Variants in LIN54 observed in about 807,000 individuals in gnomAD.
LIN54 encodes the protein protein lin-54 homolog.
In LIN54, 9 loss-of-function variants were observed where a neutral mutation model predicts 78.7. The observed-to-expected ratio is 0.11, with a 90% CI of 0.07 to 0.20. The LOEUF (loss-of-function observed/expected upper bound fraction) is 0.20. LIN54 is among the 10% of genes least tolerant of loss of function. The pLI is 1.00. For synonymous variants in LIN54, 269 were observed against 318.4 expected (o/e 0.84, Z 1.65); for missense variants, 573 against 889.9 (o/e 0.64, Z 4.53).
intron 5 of LIN54, among the ~76,000 whole-genome samples, chr4:82,945,432 T>G (rs1178300812): frequency 6.6e-6 from 1 of 151,932 alleles, no homozygotes; most frequent in Non-Finnish European, 1.5e-5. Context: ...ACATAGAAAA[T>G]AGAAGGACAA....
chr4:82,967,969 C>T lies in LIN54; in HGVS notation c.951+2358G>A, dbSNP rs180890543. On this transcript the variant is annotated intron_variant, in intron 4 of 12. Transcript: ENST00000340417. Reference sequence around the variant, plus strand: ...CCTGAACGATAGATAAGCTTTCAACCGGATGTAAGCTTTTGACTGTACATT... The same window carrying T: ...CCTGAACGATAGATAAGCTTTCAACTGGATGTAAGCTTTTGACTGTACATT... Among the ~76,000 whole-genome samples the T allele has an allele frequency of 2.5e-4, 38 of 152,174 alleles. No homozygotes were observed. The East Asian group carries it at 5.0e-3, about 20-fold the overall frequency.
chr4:82,968,600 G>A (rs138174646), intron 4 of LIN54, among the ~76,000 whole-genome samples: 39 of 152,048 alleles, frequency 2.6e-4, no homozygotes, highest in African/African-American at 9.2e-4. Context: ...TCTCTACCCT[G>A]GCCTACACTT....
At position 82,933,858 on chromosome 4, in the gene LIN54, C is replaced by T. The variant is rs536219156; in HGVS notation, c.1845+2123G>A. Among the ~76,000 whole-genome samples the T allele has an allele frequency of 3.9e-5, 6 of 152,330 alleles. No individual in the cohort carries two copies. The East Asian group carries it at 1.2e-3, about 29-fold the overall frequency. ...GGTTAGTTCCTATATGTCTGAATTT[C>T]ATATGCCCAGCATGTATTGATTTTT... On this transcript the variant is annotated intron_variant, in intron 11 of 12. Coordinates refer to ENST00000340417, the MANE Select transcript of LIN54 (RefSeq NM_194282.4).
At chr4:82,946,613 G>A in intron 4 of LIN54, 139 bp from the exon 5 acceptor site, 1 of 660,338 alleles carries the variant, frequency 1.5e-6, no homozygotes. Flanking sequence ...CCTGTTCAAA[G>A]AGAAATGAAA....
Position 82,930,951 on chromosome 4 carries a change from T to G in LIN54, c.2040A>C (p.Gly680=), listed in dbSNP as rs1167350378. 1 of 1,613,786 alleles carries G rather than the reference T, an allele frequency of 6.2e-7. No individual in the cohort carries two copies. Among genetic ancestry groups the G allele is most frequent in the African/African-American group, 1.3e-5 (1 of 75,046 alleles). ...LTRPTPALNS[G]GGKLPFTFVT... ...TTAAAATACTGACTTACTTTCCGCC[T>G]CCACTATTTAAAGCTGGTGTTGGCC... Residue 680 remains glycine (G), a synonymous_variant, in exon 12 of 13, where the codon GGA becomes GGC. Transcript: ENST00000340417.
intron 4 of LIN54, among the ~76,000 whole-genome samples, chr4:82,947,223 A>ATTTTTTTT (rs1339545376): frequency 2.3e-4 from 4 of 17,520 alleles, no homozygotes; most frequent in African/African-American, 5.2e-4. Context: ...ATATATATAT[A>ATTTTTTTT]TATATATATA....
chr4:82,957,791 T>G (rs1724448870), intron 4 of LIN54, among the ~76,000 whole-genome samples: 1 of 152,238 alleles, frequency 6.6e-6, no homozygotes, highest in East Asian at 1.9e-4. Flanking sequence ...TTGATTCATT[T>G]GTCATACTCC....
chr4:82,966,535 A>T (rs962571199), intron 4 of LIN54, among the ~76,000 whole-genome samples: 1 of 152,024 alleles, frequency 6.6e-6, no homozygotes, highest in Non-Finnish European at 1.5e-5. Flanking sequence ...TGAGGGGGGA[A>T]AAAAAACCAA....
intron 5 of LIN54, 124 bp downstream of exon 5, chr4:82,946,134 A>G (rs1170566020): frequency 1.2e-5 from 9 of 770,992 alleles, no homozygotes; most frequent in Non-Finnish European, 1.4e-5. Flanking sequence ...TGCCTTCTGC[A>G]CCAGTTACTG....
chr4:82,938,957 T>C (rs1322611969), intron 7 of LIN54, among the ~76,000 whole-genome samples: 1 of 152,248 alleles, frequency 6.6e-6, no homozygotes, highest in Non-Finnish European at 1.5e-5. Context: ...ACATTAGAAA[T>C]GCTTATGACA....
chr4:82,947,394 TTGTGTGTGTGTGTGTGTGTGTGTG>T (rs57298736), intron 4 of LIN54, among the ~76,000 whole-genome samples: 8 of 124,640 alleles, frequency 6.4e-5, no homozygotes, highest in East Asian at 4.7e-4. Flanking sequence ...CCCAGTTAAT[TTGTGTGTGTGTGTGTGTGTGTGTG>T]TGTGTGTGTG....
intron 1 of LIN54, among the ~76,000 whole-genome samples, chr4:82,995,283 G>A (rs1342829298): frequency 6.6e-6 from 1 of 151,598 alleles, no homozygotes; most frequent in Non-Finnish European, 1.5e-5. Flanking sequence ...CTGGGTGACT[G>A]GGTAAGATCC....
At chr4:83,010,896 G>A (rs1729819274), upstream of LIN54, 2 of 1,085,698 alleles carry the variant, frequency 1.8e-6, no homozygotes, top group Non-Finnish European at 2.3e-6. Flanking sequence ...ATCCGGGGAA[G>A]CCTCCCGCCG....
At chr4:82,936,445 T>C (rs1041941021) in intron 9 of LIN54, 64 bp from the exon 10 acceptor site, 11 of 784,510 alleles carry the variant, frequency 1.4e-5, no homozygotes, top group Non-Finnish European at 1.9e-5. Context: ...TATCTGATTA[T>C]GCATACATTG....
intron 2 of LIN54, among the ~76,000 whole-genome samples, chr4:82,983,171 C>G (rs544896514): frequency 6.6e-6 from 1 of 152,030 alleles, no homozygotes; most frequent in East Asian, 1.9e-4. Flanking sequence ...CCATGCCTGG[C>G]TAATTTTTTG....
Position 82,984,652 on chromosome 4 carries a change from G to T in LIN54, c.193C>A (p.Pro65Thr). The part of the protein sequence containing the change: ...DSTATPISTE[P>T]ITVYSNHTNQ... ...GTGTGGTTACTGTACACTGTGATTG[G>T]TTCCGTGGAAATGGGCGTGGCTGTA... Residue 65 changes from proline (P) to threonine (T), a missense_variant, in exon 2 of 13, where the codon CCA (proline) becomes ACA (threonine). Pro to Thr is a conservative substitution (Grantham distance 38). This residue lies in a region of LIN54 where 183 missense variants were observed against 228.4 expected (regional missense o/e 0.80). Transcript: ENST00000340417. 6.2e-7 allele frequency: 1 copy of T among 1,614,122 alleles called. No individual in the cohort carries two copies. The highest frequency in any genetic ancestry group is 8.5e-7 in the Non-Finnish European group (1 of 1,180,006).
chr4:82,969,740 T>C (rs1470959213), intron 4 of LIN54, among the ~76,000 whole-genome samples: 1 of 152,224 alleles, frequency 6.6e-6, no homozygotes, highest in Non-Finnish European at 1.5e-5. Flanking sequence ...ACATATCTTT[T>C]TCAAAATGTT....
At chr4:82,994,760 C>G (rs1317754475) in intron 1 of LIN54, among the ~76,000 whole-genome samples, 1 of 151,902 alleles carries the variant, frequency 6.6e-6, no homozygotes, top group Admixed American at 6.6e-5. Context: ...TTAGCAAAAG[C>G]TGGTTGATAG....
At chr4:82,951,665 T>C (rs555802541) in intron 4 of LIN54, among the ~76,000 whole-genome samples, 1 of 152,142 alleles carries the variant, frequency 6.6e-6, no homozygotes, top group African/African-American at 2.4e-5. Context: ...GTGGATTAGC[T>C]ACATGATCTG....
Sources: allele counts gnomAD v4.1 joint callset (sites outside exome capture counted in the v4.1 genomes callset), GRCh38; gene constraint gnomAD v4.1.1; regional missense constraint gnomAD v4.1.1; transcripts MANE v1.5; gene names NCBI Gene and HGNC (gene_info 2026-07-23, HGNC 2026-07-21).